The following TEX14 variants were observed in gnomAD, a reference collection of about 807,000 sequenced individuals.
TEX14 encodes testis expressed 14, intercellular bridge forming factor.
TEX14 carries 168 observed loss-of-function variants against 178.6 expected under a neutral mutation model. That is an observed-to-expected ratio of 0.94 (90% confidence interval 0.83 to 1.07). The LOEUF is 1.07. Ranked by LOEUF, TEX14 falls within the 50% of genes least tolerant of loss-of-function variation. TEX14 has a pLI of 0.00. For synonymous variants in TEX14, 626 were observed against 634.1 expected, an observed-to-expected ratio of 0.99 and a Z score of 0.19; for missense variants, 1,730 against 1,753.6, an observed-to-expected ratio of 0.99 and a Z score of 0.24.
chr17:58,600,086 C>T (rs2045393142), intron 13 of TEX14, among the ~76,000 whole-genome samples: 3 of 152,198 alleles, frequency 2.0e-5, no homozygotes, highest in African/African-American at 7.2e-5. Flanking sequence ...TCCCGTCTCA[C>T]TCTCCCAAAG....
chr17:58,643,518 C>T (rs1286478454), intron 2 of TEX14, among the ~76,000 whole-genome samples: 1 of 151,712 alleles, frequency 6.6e-6, no homozygotes, highest in East Asian at 1.9e-4. Context: ...TCTGTCCTCC[C>T]ATCTATGGGA....
chr17:58,671,507 G>A (rs1358391962), intron 1 of TEX14, among the ~76,000 whole-genome samples: 3 of 151,952 alleles, frequency 2.0e-5, no homozygotes, highest in Non-Finnish European at 2.9e-5. Flanking sequence ...TCCTGGGGTC[G>A]CAGCTTTATA....
intron 16 of TEX14, 53 bp downstream of exon 16, chr17:58,587,843 A>ACCCCCCC: frequency 8.9e-7 from 1 of 1,118,852 alleles, no homozygotes; most frequent in Non-Finnish European, 1.4e-6. Flanking sequence ...GGGTGCCAGA[A>ACCCCCCC]CCCACCCCCA....
At chr17:58,613,639 C>A (rs372808170) in intron 8 of TEX14, 95 bp from the exon 9 acceptor site, 1 of 1,255,124 alleles carries the variant, frequency 8.0e-7, no homozygotes, top group Admixed American at 2.2e-5. Context: ...AAACAAATAC[C>A]ATTTGTATAC....
intron 20 of TEX14, among the ~76,000 whole-genome samples, chr17:58,577,809 G>A (rs772160193): frequency 7.9e-5 from 12 of 152,172 alleles, no homozygotes; most frequent in Non-Finnish European, 1.5e-4. Flanking sequence ...AGACGCCAGG[G>A]GGCGTTGAAA....
intron 8 of TEX14, among the ~76,000 whole-genome samples, chr17:58,614,427 T>C (rs1044238582): frequency 6.6e-6 from 1 of 151,980 alleles, no homozygotes; most frequent in Non-Finnish European, 1.5e-5. Flanking sequence ...GAGGTGGAGG[T>C]TGCAGTGAGC....
intron 9 of TEX14, among the ~76,000 whole-genome samples, chr17:58,612,092 G>C (rs1290062465): frequency 6.6e-6 from 1 of 152,156 alleles, no homozygotes; most frequent in South Asian, 2.1e-4. Flanking sequence ...CCTTTCCAGG[G>C]ACTCTATACA....
chr17:58,674,820 A>C (rs998285241), intron 1 of TEX14, among the ~76,000 whole-genome samples: 6 of 148,472 alleles, frequency 4.0e-5, no homozygotes, highest in Admixed American at 3.4e-4. Flanking sequence ...AAAAAGATTT[A>C]TCTTCGATGA....
At position 58,605,662 on chromosome 17, in the gene TEX14, A is replaced by C. The variant is rs60823271; in HGVS notation, c.1185-533T>G. Among the ~76,000 whole-genome samples the C allele has an allele frequency of 9.2e-3, 1,407 of 152,268 alleles. 24 individuals are homozygous for C. Among genetic ancestry groups the C allele is most frequent in the African/African-American group, 0.031 (1,301 of 41,534 alleles). ...TCCTCCAACATACCTCATGTTCTTC[A>C]AGTCTTTGCACTGGCAGCTTCTGCC... On this transcript the variant is annotated intron_variant, in intron 10 of 31. Transcript: ENST00000349033.
chr17:58,622,797 G>A, intron 4 of TEX14, 50 bp downstream of exon 4: 1 of 1,548,268 alleles, frequency 6.5e-7, no homozygotes, highest in Non-Finnish European at 8.8e-7. Context: ...CTGACTCTCA[G>A]CCCAGTACTC....
At chr17:58,602,671 G>T in intron 11 of TEX14, 81 bp from the exon 12 acceptor site, 1 of 1,121,906 alleles carries the variant, frequency 8.9e-7, no homozygotes, top group South Asian at 1.6e-5. Flanking sequence ...GATGAAGCTG[G>T]GTAACCTTAG....
At chr17:58,574,304 C>G in intron 21 of TEX14, 55 bp from the exon 22 acceptor site, 1 of 1,371,260 alleles carries the variant, frequency 7.3e-7, no homozygotes, top group African/African-American at 1.4e-5. Flanking sequence ...ACAAAGTACA[C>G]TAACTACTTG....
At chr17:58,681,828 A>G (rs1225490047) in intron 1 of TEX14, among the ~76,000 whole-genome samples, 1 of 152,060 alleles carries the variant, frequency 6.6e-6, no homozygotes, top group African/African-American at 2.4e-5. Context: ...GGGTGACAGC[A>G]GGAAACTCTT....
chr17:58,661,573 C>T (rs758475384), intron 1 of TEX14: 1 of 736,836 alleles, frequency 1.4e-6, no homozygotes, highest in East Asian at 2.4e-5. Context: ...GCGGCGGCGG[C>T]AGGAACTCGT....
In TEX14 at chr17:58,569,212, T is replaced by C. The variant is rs2044467628; in HGVS notation, c.3866A>G (p.Gln1289Arg). The change falls in exon 26 of 32, where the codon CAG becomes CGG. Residue 1289 changes from glutamine to arginine, a missense_variant. Gln to Arg is a conservative substitution (Grantham distance 43). Coordinates refer to ENST00000349033, the MANE Select transcript of TEX14 (RefSeq NM_031272.5). The surrounding 1 kb of genome is among the most constrained non-coding windows in gnomAD (Gnocchi z 4.1). ...CTTACCAATGTCATCAAGTAGCTCCTGAGATGGTGGTGGCAGCTCATCAAT... is the reference window on the plus strand; with the variant it reads ...CTTACCAATGTCATCAAGTAGCTCCCGAGATGGTGGTGGCAGCTCATCAAT... ...HHIDELPPPS[Q>R]ELLDDIELLK... The C allele has an allele frequency of 6.2e-7, 1 of 1,613,498 alleles. No homozygotes were observed. Among genetic ancestry groups the C allele is most frequent in the Non-Finnish European group, 8.5e-7 (1 of 1,179,376 alleles).
chr17:58,559,575 T>C lies in TEX14; in HGVS notation c.4158-13A>G, dbSNP rs1303556843. Reference sequence around the variant, plus strand: ...GATATTTGTCTCCCTGTAACAACAATTATTTGGGGAATCAAAACGTATACA... The same window carrying C: ...GATATTTGTCTCCCTGTAACAACAACTATTTGGGGAATCAAAACGTATACA... On this transcript the variant is annotated splice_polypyrimidine_tract_variant and intron_variant, in intron 29 of 31. Coordinates refer to ENST00000349033, the MANE Select transcript of TEX14 (RefSeq NM_031272.5). The C allele has an allele frequency of 3.8e-6, 5 of 1,331,394 alleles. No homozygotes were observed. The highest frequency in any genetic ancestry group is 5.4e-6 in the Non-Finnish European group (5 of 927,100). The allele number at this position is 1,331,394 out of a possible 1,614,324, so 82.5% of individuals were successfully genotyped here. A position where few individuals can be genotyped will look rare whatever the true frequency, so the allele number is the denominator to read the frequency against.
intron 2 of TEX14, among the ~76,000 whole-genome samples, chr17:58,651,317 G>C (rs2143253598): frequency 6.6e-6 from 1 of 152,264 alleles, no homozygotes; most frequent in South Asian, 2.1e-4. Flanking sequence ...CACCAGAAAA[G>C]GTTGTTTGTA....
At chr17:58,626,318 C>T (rs527710804) in intron 3 of TEX14, among the ~76,000 whole-genome samples, 1 of 151,946 alleles carries the variant, frequency 6.6e-6, no homozygotes, top group East Asian at 1.9e-4. Context: ...GTAATCCTAG[C>T]ACATCGGGAG....
At chr17:58,659,242 A>T (rs997021064) in intron 1 of TEX14, 12 of 555,554 alleles carry the variant, frequency 2.2e-5, no homozygotes, top group Non-Finnish European at 2.5e-5. Context: ...ACATAGTAAA[A>T]ACCCTCCCCC....
Sources: gnomAD v4.1 joint callset for allele counts (sites outside exome capture counted in the v4.1 genomes callset) on GRCh38, gnomAD v4.1.1 for gene constraint, Gnocchi (gnomAD v3.1) non-coding constraint, MANE v1.5 for transcripts, NCBI Gene and HGNC (gene_info 2026-07-23, HGNC 2026-07-21) for gene names.